The following RFX4 variants were observed in gnomAD, a reference collection of about 807,000 sequenced individuals.
RFX4 encodes regulatory factor X4, also known as transcription factor RFX4.
In RFX4, 10 loss-of-function variants were observed where a neutral mutation model predicts 95.0. The ratio of observed to expected loss-of-function variants is 0.11; its 90% CI spans 0.06 to 0.18. RFX4 has a LOEUF of 0.18. Ranked by LOEUF, RFX4 falls within the 10% of genes least tolerant of loss-of-function variation. The pLI is 1.00. For synonymous variants in RFX4, 321 were observed against 340.7 expected (o/e 0.94, Z 0.64); for missense variants, 640 against 922.0 (o/e 0.69, Z 3.96).
chr12:106,593,107 T>G (rs2039571029), intron 1 of RFX4, among the ~76,000 whole-genome samples: 1 of 152,222 alleles, frequency 6.6e-6, no homozygotes, highest in African/African-American at 2.4e-5. Flanking sequence ...TTGGTTATTC[T>G]TCCATAAAAC....
chr12:106,719,385 T>G (rs1340378107), intron 11 of RFX4, among the ~76,000 whole-genome samples: 1 of 152,168 alleles, frequency 6.6e-6, no homozygotes, highest in Non-Finnish European at 1.5e-5. Context: ...AGAGCAGCAA[T>G]GCCTCACCCA....
chr12:106,654,203 G>C, intron 3 of RFX4, 25 bp from the exon 4 acceptor site: 1 of 1,612,898 alleles, frequency 6.2e-7, no homozygotes, highest in Non-Finnish European at 8.5e-7. Context: ...CACATTTTTT[G>C]CTCATTGGGC....
intron 6 of RFX4, among the ~76,000 whole-genome samples, chr12:106,689,010 C>T (rs559850447): frequency 1.9e-4 from 29 of 152,116 alleles, no homozygotes; most frequent in Non-Finnish European, 3.2e-4. Flanking sequence ...CTCACAGTCT[C>T]AGGGGGTGGA....
chr12:106,585,285 G>A (rs1025494771), intron 1 of RFX4, among the ~76,000 whole-genome samples: 2 of 152,166 alleles, frequency 1.3e-5, no homozygotes, highest in African/African-American at 2.4e-5. Context: ...TTCTGTTCTC[G>A]ATGCAACTGG....
chr12:106,749,289 C>T (rs970512010), intron 16 of RFX4, among the ~76,000 whole-genome samples: 2 of 150,554 alleles, frequency 1.3e-5, no homozygotes, highest in Admixed American at 1.3e-4. Context: ...AGAGCTCCTA[C>T]CATGTGGTGC....
rs976659861 is a variant in RFX4, at chr12:106,745,740, AC to A, written c.1634-1695del. Among the ~76,000 whole-genome samples the A allele has an allele frequency of 2.0e-5, 3 of 152,182 alleles. 1 individual carries two copies. Among genetic ancestry groups the A allele is most frequent in the South Asian group, 4.1e-4 (2 of 4,822 alleles). On this transcript the variant is annotated intron_variant, in intron 15 of 17. Transcript: ENST00000392842. ...GAGATCAAATTTTCTCTTTTACTTC[AC>A]CTTAAAAATGTCCTCCCTTAAATTC...
chr12:106,625,552 G>A (rs1402815740), intron 2 of RFX4, among the ~76,000 whole-genome samples: 1 of 152,188 alleles, frequency 6.6e-6, no homozygotes, highest in Non-Finnish European at 1.5e-5. Flanking sequence ...GATTGTGACT[G>A]TAAAATATTA....
intron 3 of RFX4, among the ~76,000 whole-genome samples, chr12:106,652,605 C>T (rs2040875302): frequency 6.6e-6 from 1 of 152,154 alleles, no homozygotes; most frequent in Middle Eastern, 3.2e-3. Flanking sequence ...TGTTCCCCAT[C>T]CCAGAAGCGC....
intron 1 of RFX4, chr12:106,601,418 C>G (rs905893980): frequency 1.4e-6 from 2 of 1,459,876 alleles, no homozygotes; most frequent in African/African-American, 2.9e-5. Flanking sequence ...GGGCCAGGCC[C>G]GCCTTGGTAG....
intron 2 of RFX4, among the ~76,000 whole-genome samples, chr12:106,623,684 C>T (rs930637675): frequency 6.6e-6 from 1 of 152,144 alleles, no homozygotes. Context: ...ACTCAGCAGG[C>T]TGAGTTGGAA....
chr12:106,584,281 C>T (rs1424519364), intron 1 of RFX4, among the ~76,000 whole-genome samples: 1 of 152,182 alleles, frequency 6.6e-6, no homozygotes, highest in African/African-American at 2.4e-5. Context: ...TTAACGCTCC[C>T]TAAGTCCCTT....
At chr12:106,685,034 G>T in intron 5 of RFX4, 1 of 1,469,536 alleles carries the variant, frequency 6.8e-7, no homozygotes, top group Non-Finnish European at 9.2e-7. Context: ...GACTTTCATT[G>T]TATCTCCATG....
At chr12:106,704,471 C>A (rs1417484964) in intron 8 of RFX4, among the ~76,000 whole-genome samples, 1 of 152,160 alleles carries the variant, frequency 6.6e-6, no homozygotes, top group Non-Finnish European at 1.5e-5. Context: ...ATCCCTCAAA[C>A]TTTTTTGAGT....
At chr12:106,659,124 A>G (rs1187721148) in intron 4 of RFX4, among the ~76,000 whole-genome samples, 1 of 152,172 alleles carries the variant, frequency 6.6e-6, no homozygotes, top group African/African-American at 2.4e-5. Context: ...GCATCTTCTC[A>G]ATAATTTATA....
chr12:106,583,442 G>A, intron 1 of RFX4, 79 bp downstream of exon 1: 1 of 1,419,322 alleles, frequency 7.0e-7, no homozygotes. Flanking sequence ...AAAGAAGTTG[G>A]GAAAAGTTCA....
rs191467864 is a variant in RFX4, at chr12:106,724,773, G to A, written c.1351+3897G>A. ...GCGATGGCTCACACCTGTAATCCTA[G>A]CACTTTGGGAGGTGGATTCCCTGAG... On this transcript the variant is annotated intron_variant, in intron 13 of 17. Coordinates refer to ENST00000392842, the MANE Select transcript of RFX4 (RefSeq NM_213594.3). 3.3e-5 allele frequency among the ~76,000 whole-genome samples: 5 copies of A among 152,260 alleles called. No individual in the cohort carries two copies. In the East Asian group the frequency reaches 9.7e-4, roughly 29 times the overall value.
intron 11 of RFX4, among the ~76,000 whole-genome samples, chr12:106,715,884 GTCAGC>G (rs2042280087): frequency 6.6e-6 from 1 of 152,218 alleles, no homozygotes. Context: ...CTCAGTGTAT[GTCAGC>G]CTGGGGTCAG....
At chr12:106,662,833 T>C (rs1254396724) in intron 4 of RFX4, among the ~76,000 whole-genome samples, 1 of 152,164 alleles carries the variant, frequency 6.6e-6, no homozygotes, top group Non-Finnish European at 1.5e-5. Flanking sequence ...TTACTTCATT[T>C]ATTGCCTTTG....
At chr12:106,654,528 A>G (rs1451499614) in intron 4 of RFX4, among the ~76,000 whole-genome samples, 177 bp downstream of exon 4, 1 of 152,230 alleles carries the variant, frequency 6.6e-6, no homozygotes, top group Non-Finnish European at 1.5e-5. Flanking sequence ...AAACAATTCA[A>G]AAACATTGTA....
Sources: gnomAD v4.1 joint callset for allele counts (sites outside exome capture counted in the v4.1 genomes callset) on GRCh38, gnomAD v4.1.1 for gene constraint, MANE v1.5 for transcripts, NCBI Gene and HGNC (gene_info 2026-07-23, HGNC 2026-07-21) for gene names.